SGCD: variants seen among roughly 807,000 people sequenced by gnomAD.
The protein encoded by SGCD is sarcoglycan delta.
Under a neutral mutation model 36.6 loss-of-function variants are expected in SGCD, and 18 were observed. That is an observed-to-expected ratio of 0.49 (90% CI 0.34 to 0.73). SGCD has a LOEUF of 0.73. SGCD is among the 30% of genes least tolerant of loss of function. The pLI, the probability that SGCD is intolerant of heterozygous loss-of-function variation, is 0.01. For synonymous variants in SGCD, 133 were observed against 130.6 expected, an observed-to-expected ratio of 1.02 and a Z score of -0.12; for missense variants, 387 against 346.7, an observed-to-expected ratio of 1.12 and a Z score of -0.92.
intron 3 of SGCD, among the ~76,000 whole-genome samples, chr5:156,380,147 G>T (rs894956252): frequency 1.3e-5 from 2 of 152,114 alleles, no homozygotes; most frequent in East Asian, 1.9e-4. Flanking sequence ...TGGTTGAAAT[G>T]ATCATTGCAA....
chr5:156,108,341 A>G (rs908001563), intron 1 of SGCD, among the ~76,000 whole-genome samples: 10 of 152,316 alleles, frequency 6.6e-5, no homozygotes, highest in African/African-American at 2.4e-4. Flanking sequence ...TTGCTGTAGA[A>G]TCAGTGGCTA....
chr5:155,795,153 TCA>T, the SGCD span, among the ~76,000 whole-genome samples: 11 of 152,208 alleles, frequency 7.2e-5, no homozygotes, highest in Admixed American at 6.5e-5. Context: ...TGTATCACTG[TCA>T]CCTGTGCTCA....
chr5:155,960,085 G>A (rs961505973), intron 1 of SGCD, among the ~76,000 whole-genome samples: 1 of 152,052 alleles, frequency 6.6e-6, no homozygotes, highest in Admixed American at 6.6e-5. Context: ...GTTTGCCAGG[G>A]CATGATACAA....
At chr5:156,595,125 T>C (rs945202312) in intron 6 of SGCD, 74 bp downstream of exon 6, 11 of 1,506,096 alleles carry the variant, frequency 7.3e-6, no homozygotes, top group African/African-American at 1.4e-5. Context: ...AATGGTGTTA[T>C]GAACAGGATA....
At chr5:156,347,362 T>C (rs1769005255) in intron 3 of SGCD, among the ~76,000 whole-genome samples, 1 of 152,214 alleles carries the variant, frequency 6.6e-6, no homozygotes. Context: ...GTAAAACTTC[T>C]CTGTTGCAAT....
intron 1 of SGCD, among the ~76,000 whole-genome samples, chr5:156,020,569 T>G (rs1264119594): frequency 6.6e-6 from 1 of 152,206 alleles, no homozygotes. Flanking sequence ...ACATTTATAT[T>G]GGAGAACTTT....
At chr5:155,860,454 A>G in the SGCD span, among the ~76,000 whole-genome samples, 1 of 152,210 alleles carries the variant, frequency 6.6e-6, no homozygotes, top group Non-Finnish European at 1.5e-5. Flanking sequence ...AGTTTTACTT[A>G]TAGTTACTTT....
intron 1 of SGCD, among the ~76,000 whole-genome samples, chr5:156,030,396 A>G (rs771043093): frequency 2.2e-4 from 34 of 152,318 alleles, no homozygotes; most frequent in Non-Finnish European, 4.0e-4. Context: ...GGGAAATGCC[A>G]GGTGACGGCA....
intron 6 of SGCD, among the ~76,000 whole-genome samples, chr5:156,623,847 T>G (rs1762344660): frequency 6.6e-6 from 1 of 152,162 alleles, no homozygotes; most frequent in African/African-American, 2.4e-5. Flanking sequence ...AGCTGACTGG[T>G]TATTGGAGAG....
intron 4 of SGCD, among the ~76,000 whole-genome samples, chr5:156,549,866 C>T (rs1221830089): frequency 6.6e-6 from 1 of 152,130 alleles, no homozygotes. Context: ...GTAGTCACTG[C>T]CATCAGGAAA....
At chr5:156,258,541 C>G (rs914462913) in intron 3 of SGCD, among the ~76,000 whole-genome samples, 2 of 152,282 alleles carry the variant, frequency 1.3e-5, no homozygotes, top group Non-Finnish European at 2.9e-5. Flanking sequence ...CCACGATTGT[C>G]TAAAAAATGG....
intron 8 of SGCD, 106 bp from the exon 9 acceptor site, chr5:156,759,111 C>T (rs1035404607): frequency 2.4e-6 from 2 of 831,806 alleles, no homozygotes; most frequent in Admixed American, 2.0e-5. Context: ...ATAGTAGGTG[C>T]TCATTAGATT....
chr5:156,600,910 T>G (rs952337726), intron 6 of SGCD, among the ~76,000 whole-genome samples: 2 of 152,208 alleles, frequency 1.3e-5, no homozygotes, highest in Non-Finnish European at 2.9e-5. Context: ...TATATTTAAA[T>G]GGTTAATGAT....
At chr5:155,968,651 G>A (rs369581398) in intron 1 of SGCD, among the ~76,000 whole-genome samples, 5 of 152,138 alleles carry the variant, frequency 3.3e-5, no homozygotes, top group African/African-American at 7.2e-5. Flanking sequence ...GTTCAGTACC[G>A]TCTATGGTTT....
chr5:155,750,194 C>T, the SGCD span, among the ~76,000 whole-genome samples: 3 of 152,220 alleles, frequency 2.0e-5, no homozygotes, highest in Non-Finnish European at 2.9e-5. Flanking sequence ...AGAATCTGGG[C>T]ACTTGTAACA....
chr5:155,934,671 C>T (rs554287997), intron 1 of SGCD, among the ~76,000 whole-genome samples: 1 of 152,174 alleles, frequency 6.6e-6, no homozygotes, highest in East Asian at 1.9e-4. Flanking sequence ...TTTAACTGCT[C>T]AGCATCTGAA....
At chr5:156,495,747 T>TAA (rs1756154818) in intron 3 of SGCD, among the ~76,000 whole-genome samples, 1 of 152,206 alleles carries the variant, frequency 6.6e-6, no homozygotes, top group African/African-American at 2.4e-5. Context: ...TTAAGATAAA[T>TAA]GAGTCTCCTC....
At chr5:155,775,481 A>G in the SGCD span, among the ~76,000 whole-genome samples, 74 of 152,288 alleles carry the variant, frequency 4.9e-4, no homozygotes, top group African/African-American at 1.7e-3. Context: ...ATACTCAAAC[A>G]TACTCTGACT....
intron 2 of SGCD, 116 bp downstream of exon 2, chr5:156,329,695 A>G (rs1356974233): frequency 1.1e-6 from 1 of 888,508 alleles, no homozygotes; most frequent in Non-Finnish European, 1.7e-6. Context: ...CCTGATGAAG[A>G]CATTTCTTTA....
Sources: allele counts gnomAD v4.1 joint callset (sites outside exome capture counted in the v4.1 genomes callset), GRCh38; gene constraint gnomAD v4.1.1; transcripts MANE v1.5; gene names NCBI Gene and HGNC (gene_info 2026-07-23, HGNC 2026-07-21).